Variants in NUP85 observed in about 807,000 individuals in gnomAD.
NUP85 encodes nucleoporin 85, also known as nuclear pore complex protein Nup85.
Under a neutral mutation model 92.8 loss-of-function variants are expected in NUP85, and 23 were observed. The observed-to-expected ratio is 0.25, with a 90% CI of 0.18 to 0.35. The LOEUF is 0.35. Ranked by LOEUF, NUP85 falls within the 10% of genes least tolerant of loss-of-function variation. NUP85 has a pLI of 1.00. For synonymous variants in NUP85, 314 were observed against 306.9 expected (o/e 1.02, Z -0.24); for missense variants, 759 against 822.8 (o/e 0.92, Z 0.95).
intron 5 of NUP85, among the ~76,000 whole-genome samples, chr17:75,214,898 A>G (rs999476778): frequency 8.8e-5 from 13 of 148,506 alleles, no homozygotes; most frequent in Non-Finnish European, 1.9e-4. Flanking sequence ...TTGGCAGGGC[A>G]CGGTGGCTCA....
At chr17:75,206,046 G>A (rs754396049) in intron 1 of NUP85, among the ~76,000 whole-genome samples, 25 of 151,978 alleles carry the variant, frequency 1.6e-4, no homozygotes, top group Non-Finnish European at 2.1e-4. Flanking sequence ...CTTCCTTTGT[G>A]TTCCTGGCCT....
At position 75,225,442 on chromosome 17, in the gene NUP85, C is replaced by T. The variant is rs1156378159; in HGVS notation, c.833C>T (p.Pro278Leu). Residue 278 changes from proline to leucine, a missense_variant, in exon 9 of 19, where the codon CCT becomes CTT. Coordinates refer to ENST00000245544, the MANE Select transcript of NUP85 (RefSeq NM_024844.5). Reference protein sequence around the residue: ...YLQDSTFATSPHLESLLKIML... With the variant: ...YLQDSTFATSLHLESLLKIML... ...CAGGACAGCACATTCGCCACCAGCC[C>T]TCACCTGGAGTCTCTCTTGAAGGTC... is the stretch of plus-strand genomic sequence containing the variant. 5 of 1,613,952 alleles carry T rather than the reference C, an allele frequency of 3.1e-6. No individual in the cohort carries two copies. The highest frequency in any genetic ancestry group is 4.2e-6 in the Non-Finnish European group (5 of 1,180,022).
intron 7 of NUP85, among the ~76,000 whole-genome samples, chr17:75,218,771 A>G (rs2075511781): frequency 6.6e-6 from 1 of 151,938 alleles, no homozygotes; most frequent in East Asian, 1.9e-4. Context: ...AATATAAAAG[A>G]GAAAAGATAG....
chr17:75,207,074 T>G (rs2145258521), intron 1 of NUP85, among the ~76,000 whole-genome samples: 1 of 152,168 alleles, frequency 6.6e-6, no homozygotes, highest in Non-Finnish European at 1.5e-5. Context: ...AGATCTTGAT[T>G]TTAGGACTAG....
Position 75,209,999 on chromosome 17 carries a change from T to C in NUP85, c.290+14T>C, listed in dbSNP as rs1234944634. 1 of 1,589,304 alleles carries C rather than the reference T, an allele frequency of 6.3e-7. No homozygotes were observed. The highest frequency in any genetic ancestry group is 8.5e-7 in the Non-Finnish European group (1 of 1,174,420). On this transcript the variant is annotated intron_variant, in intron 3 of 18. Coordinates refer to ENST00000245544, the MANE Select transcript of NUP85 (RefSeq NM_024844.5). ...CAGAAAATCTCAGTAAGTTGGTTGC[T>C]GTTTGGTGTTGAAGCCCACACTACA...
chr17:75,222,078 C>A (rs1215044607), intron 7 of NUP85, among the ~76,000 whole-genome samples: 4 of 152,052 alleles, frequency 2.6e-5, no homozygotes, highest in Non-Finnish European at 5.9e-5. Context: ...GACAAAGTCT[C>A]TGTTGCCCAT....
In NUP85 at chr17:75,212,044, G is replaced by A. The variant is rs758323584; in HGVS notation, c.343G>A (p.Glu115Lys). ...YRSVIRACME[E>K]MHQVAIAAKD... is the part of the protein sequence containing the mutation. ...ATCAGTCATCAGAGCATGTATGGAG[G>A]AAATGCACCAGGTTGCAAGTAAGGA... is the stretch of plus-strand genomic sequence containing the variant. Residue 115 changes from glutamate to lysine, a missense_variant, in exon 4 of 19, where the codon GAA becomes AAA. Glu to Lys is a moderately conservative substitution (Grantham distance 56). Transcript: ENST00000245544. The A allele has an allele frequency of 1.9e-6, 3 of 1,613,356 alleles. No homozygotes were observed. The South Asian group carries it at 3.3e-5, about 18-fold the overall frequency.
At chr17:75,234,814 T>C in intron 17 of NUP85, 26 bp downstream of exon 17, 1 of 1,613,422 alleles carries the variant, frequency 6.2e-7, no homozygotes, top group Non-Finnish European at 8.5e-7. Flanking sequence ...GCAGTGGTTT[T>C]CTTTGCTTGT....
chr17:75,213,103 G>C lies in NUP85; in HGVS notation c.389G>C (p.Arg130Pro), dbSNP rs751574604. 6.2e-7 allele frequency: 1 copy of C among 1,613,472 alleles called. No homozygotes were observed. Among genetic ancestry groups the C allele is most frequent in the Non-Finnish European group, 8.5e-7 (1 of 1,179,768 alleles). ...GCTGCTAAAGATCCAGCCAATGGCC[G>C]CCAGTTCAGCAGCCAGGTAAGGGGA... ...AIAAKDPANGRQFSSQVSILS... is the reference protein window; with the variant it reads ...AIAAKDPANGPQFSSQVSILS... Residue 130 changes from arginine (R) to proline (P), a missense_variant, in exon 5 of 19, where the codon CGC (arginine) becomes CCC (proline). By Grantham distance (103) the Arg-to-Pro change is moderately radical (BLOSUM62 -2). Coordinates refer to ENST00000245544, the MANE Select transcript of NUP85 (RefSeq NM_024844.5).
In NUP85 at chr17:75,205,740, T is replaced by C; in HGVS notation, c.-22T>C. 6.2e-7 allele frequency: 1 copy of C among 1,614,116 alleles called. No homozygotes were observed. The highest frequency in any genetic ancestry group is 8.5e-7 in the Non-Finnish European group (1 of 1,179,998). On this transcript the variant is annotated 5_prime_UTR_variant, in exon 1 of 19. Coordinates refer to ENST00000245544, the MANE Select transcript of NUP85 (RefSeq NM_024844.5). ...GAAGCATTGGCGTCCGAGCGACTTC[T>C]AGGAGCCTGGGGTTCGGCGCTATGG...
At chr17:75,214,881 CTG>C (rs2075381645) in intron 5 of NUP85, among the ~76,000 whole-genome samples, 2 of 146,954 alleles carry the variant, frequency 1.4e-5, no homozygotes, top group African/African-American at 2.5e-5. Context: ...AAAACAAAAA[CTG>C]AGTGTTGGCA....
In NUP85 at chr17:75,211,922, A is replaced by T. The variant is rs189713931; in HGVS notation, c.291-70A>T. 70 of 1,195,018 alleles carry T rather than the reference A, an allele frequency of 5.9e-5. 1 individual carries two copies. The African/African-American group carries it at 9.6e-4, about 16-fold the overall frequency. The allele number at this position is 1,195,018 out of a possible 1,614,324, so 74.0% of individuals were successfully genotyped here. A position where few individuals can be genotyped will look rare whatever the true frequency, so the allele number is the denominator to read the frequency against. On this transcript the variant is annotated intron_variant, in intron 3 of 18. Transcript: ENST00000245544. ...TTCAGCAAATTTCTGCATTTATTTG[A>T]GTGTTTCCTTCCTTTGTGGCACTAC...
At chr17:75,225,978 T>C in intron 10 of NUP85, 73 bp from the exon 11 acceptor site, 1 of 1,603,294 alleles carries the variant, frequency 6.2e-7, no homozygotes, top group Admixed American at 1.7e-5. Flanking sequence ...TGGGGTTCGT[T>C]ATACAGCAGC....
In NUP85 at chr17:75,210,577, A is replaced by G. The variant is rs575009211; in HGVS notation, c.290+592A>G. On this transcript the variant is annotated intron_variant, in intron 3 of 18. Coordinates refer to ENST00000245544, the MANE Select transcript of NUP85 (RefSeq NM_024844.5). ...TAGATTTTTGTCAGCGTCCCTTCAC[A>G]TGGATGGCTAGGGAATGGGCAGTGT... 3.9e-5 allele frequency among the ~76,000 whole-genome samples: 6 copies of G among 152,282 alleles called. 1 individual carries two copies. Among genetic ancestry groups the G allele is most frequent in the East Asian group, 1.9e-4 (1 of 5,192 alleles).
intron 5 of NUP85, among the ~76,000 whole-genome samples, chr17:75,215,366 C>T (rs1017604725): frequency 1.3e-5 from 2 of 152,126 alleles, no homozygotes; most frequent in African/African-American, 2.4e-5. Context: ...TATGTCACTA[C>T]ACTTGGCCAA....
At chr17:75,217,847 A>G (rs1437132123) in intron 6 of NUP85, among the ~76,000 whole-genome samples, 1 of 152,074 alleles carries the variant, frequency 6.6e-6, no homozygotes, top group Non-Finnish European at 1.5e-5. Flanking sequence ...GCTGCTTGCT[A>G]TCTAGTCATT....
intron 7 of NUP85, among the ~76,000 whole-genome samples, chr17:75,219,445 TTTA>T (rs1225492097): frequency 6.6e-6 from 1 of 151,880 alleles, no homozygotes; most frequent in East Asian, 1.9e-4. Context: ...CCTGGCTAGT[TTTA>T]TTTTTTGTAG....
chr17:75,212,247 G>GTTTTTTTTTGTTTT (rs2075294230), intron 4 of NUP85, among the ~76,000 whole-genome samples, 185 bp downstream of exon 4: 1 of 3,670 alleles, frequency 2.7e-4, no homozygotes, highest in African/African-American at 3.4e-4. Context: ...TTTTGTTGTT[G>GTTTTTTTTTGTTTT]TTTTTTTTTT....
chr17:75,227,558 C>T (rs574976347), intron 11 of NUP85, among the ~76,000 whole-genome samples: 4 of 152,088 alleles, frequency 2.6e-5, no homozygotes, highest in Non-Finnish European at 5.9e-5. Flanking sequence ...GCAGGCTGGT[C>T]TGGAACTCCT....
Sources: allele counts gnomAD v4.1 joint callset (sites outside exome capture counted in the v4.1 genomes callset), GRCh38; gene constraint gnomAD v4.1.1; transcripts MANE v1.5; gene names NCBI Gene and HGNC (gene_info 2026-07-23, HGNC 2026-07-21).